Variants in KDSR observed in about 807,000 individuals in gnomAD.
KDSR encodes 3-dehydrosphinganine reductase.
Under a neutral mutation model 41.3 loss-of-function variants are expected in KDSR, and 23 were observed. That is an observed-to-expected ratio of 0.56 (90% CI 0.40 to 0.79). The LOEUF (loss-of-function observed/expected upper bound fraction) is 0.79, where lower values mean the gene tolerates loss of function less well. Among genes scored for constraint, KDSR ranks in the 30% least tolerant of loss-of-function variants. The pLI, the probability that KDSR is intolerant of heterozygous loss-of-function variation, is 0.00. For synonymous variants in KDSR, 138 were observed against 151.7 expected (o/e 0.91, Z 0.66); for missense variants, 351 against 416.8 (o/e 0.84, Z 1.37).
At chr18:63,360,228 C>T (rs1174892928) in intron 2 of KDSR, among the ~76,000 whole-genome samples, 1 of 152,182 alleles carries the variant, frequency 6.6e-6, no homozygotes, top group African/African-American at 2.4e-5. Flanking sequence ...TCTTCTTCTA[C>T]TATAAACCCA....
intron 5 of KDSR, 136 bp downstream of exon 5, chr18:63,355,068 A>G: frequency 1.6e-6 from 1 of 610,184 alleles, no homozygotes; most frequent in Non-Finnish European, 2.9e-6. Flanking sequence ...CACCTTGTTC[A>G]GCCTTCCTCT....
rs761321465 is a variant in KDSR at position 63,355,225 on chromosome 18, A to T, written c.396T>A (p.Asp132Glu). The change falls in exon 5 of 10, where the codon GAT becomes GAA. Residue 132 changes from aspartate to glutamate, a missense_variant. Coordinates refer to ENST00000645214, the MANE Select transcript of KDSR (RefSeq NM_002035.4). Reference protein sequence around the residue: ...AGMAVSGKFEDLEVSTFERLM... With the variant: ...AGMAVSGKFEELEVSTFERLM... ...TTACTTCAAAGGTACTAACTTCAAG[A>T]TCTTCAAATTTTCCTGACACTGCCA... 42 of 1,613,560 alleles carry T rather than the reference A, an allele frequency of 2.6e-5. No individual in the cohort carries two copies. The highest frequency in any genetic ancestry group is 3.3e-5 in the Non-Finnish European group (39 of 1,179,584).
intron 9 of KDSR, among the ~76,000 whole-genome samples, chr18:63,333,815 G>A (rs890276525): frequency 2.0e-5 from 3 of 152,134 alleles, no homozygotes; most frequent in Admixed American, 1.3e-4. Context: ...TCAAGCAGGG[G>A]GCCTGCTGCG....
intron 1 of KDSR, among the ~76,000 whole-genome samples, chr18:63,365,788 G>A (rs1047609018): frequency 6.6e-6 from 1 of 152,176 alleles, no homozygotes; most frequent in Non-Finnish European, 1.5e-5. Context: ...AGAATTTAGA[G>A]TGTCAAGTTT....
intron 5 of KDSR, among the ~76,000 whole-genome samples, chr18:63,354,946 T>A (rs1354036256): frequency 6.6e-6 from 1 of 152,238 alleles, no homozygotes; most frequent in African/African-American, 2.4e-5. Flanking sequence ...TACAGTAATC[T>A]GTGTCAGATT....
intron 7 of KDSR, among the ~76,000 whole-genome samples, chr18:63,342,921 A>G (rs894293405): frequency 6.6e-6 from 1 of 152,096 alleles, no homozygotes; most frequent in Non-Finnish European, 1.5e-5. Flanking sequence ...CCCTCTTGCT[A>G]TTCTCGTGAT....
intron 8 of KDSR, among the ~76,000 whole-genome samples, chr18:63,337,003 C>T (rs1277334209): frequency 6.6e-6 from 1 of 151,394 alleles, no homozygotes; most frequent in African/African-American, 2.4e-5. Flanking sequence ...TGCCACCGTC[C>T]TCACTGAACT....
At chr18:63,360,889 T>A (rs1293381215) in intron 2 of KDSR, among the ~76,000 whole-genome samples, 1 of 146,648 alleles carries the variant, frequency 6.8e-6, no homozygotes, top group Non-Finnish European at 1.5e-5. Flanking sequence ...GCGCAGTGGC[T>A]CACGCCTGTA....
chr18:63,367,160 C>A lies in KDSR; in HGVS notation c.-42G>T. ...GGGCCCGGAGCGGCCGGGCGGGGGC[C>A]GCCGGGCAAGGCGCGCAGGGCTGGG... On this transcript the variant is annotated 5_prime_UTR_variant, in exon 1 of 10. Transcript: ENST00000645214. The A allele has an allele frequency of 8.9e-7, 1 of 1,125,834 alleles. No individual in the cohort carries two copies. The highest frequency in any genetic ancestry group is 3.2e-5 in the East Asian group (1 of 31,536). 69.7% of individuals were successfully genotyped at this position (1,125,834 alleles called of 1,614,324 possible).
intron 3 of KDSR, among the ~76,000 whole-genome samples, chr18:63,358,049 G>A (rs796598926): frequency 2.0e-5 from 3 of 152,210 alleles, no homozygotes; most frequent in African/African-American, 4.8e-5. Flanking sequence ...AGTGACGCGC[G>A]CCTGTAATCC....
At chr18:63,366,008 CAG>C (rs1599343408) in intron 1 of KDSR, 1 of 152,340 alleles carries the variant, frequency 6.6e-6, no homozygotes, top group Middle Eastern at 3.4e-3. Flanking sequence ...ATCTCCGGTG[CAG>C]AGATAGGACA....
At chr18:63,358,671 C>T (rs891352944) in intron 3 of KDSR, among the ~76,000 whole-genome samples, 6 of 151,330 alleles carry the variant, frequency 4.0e-5, no homozygotes, top group Admixed American at 2.0e-4. Flanking sequence ...AAAAATTAGC[C>T]GGGTGTGGTG....
chr18:63,342,470 C>T (rs568529382), intron 7 of KDSR, among the ~76,000 whole-genome samples: 263 of 152,268 alleles, frequency 1.7e-3, no homozygotes, highest in Non-Finnish European at 2.8e-3. Flanking sequence ...AAGAATGAAT[C>T]TAATAGAATG....
At chr18:63,355,099 T>C (rs1160196534) in intron 5 of KDSR, 105 bp downstream of exon 5, 11 of 743,250 alleles carry the variant, frequency 1.5e-5, no homozygotes, top group South Asian at 7.0e-5. Context: ...AAAGCTTCCA[T>C]GGACATCTGA....
chr18:63,352,739 G>T (rs1345663657), intron 5 of KDSR, among the ~76,000 whole-genome samples: 2 of 152,124 alleles, frequency 1.3e-5, no homozygotes, highest in Admixed American at 6.6e-5. Context: ...TACTTCAAAG[G>T]TTAAGTAAAA....
At position 63,367,165 on chromosome 18, in the gene KDSR, G is replaced by A; in HGVS notation, c.-47C>T. The A allele has an allele frequency of 9.6e-7, 1 of 1,041,482 alleles. No homozygotes were observed. The highest frequency in any genetic ancestry group is 1.2e-6 in the Non-Finnish European group (1 of 804,290). 64.5% of individuals were successfully genotyped at this position (1,041,482 alleles called of 1,614,324 possible). On this transcript the variant is annotated 5_prime_UTR_variant, in exon 1 of 10. Coordinates refer to ENST00000645214, the MANE Select transcript of KDSR (RefSeq NM_002035.4). ...CGGAGCGGCCGGGCGGGGGCCGCCG[G>A]GCAAGGCGCGCAGGGCTGGGCTGCG...
chr18:63,364,368 A>ATAT (rs1915075188), intron 1 of KDSR, among the ~76,000 whole-genome samples: 3 of 152,132 alleles, frequency 2.0e-5, no homozygotes, highest in African/African-American at 7.2e-5. Flanking sequence ...GTTCTCCACT[A>ATAT]TATTCCTAGC....
In KDSR at chr18:63,347,730, T is replaced by G. The variant is rs529145207; in HGVS notation, c.609+3158A>C. ...AAGCAGAAAAGGGAGCATCAGTTTG[T>G]TTTTTTTGGGCTTGGTCTCTGCTAC... On this transcript the variant is annotated intron_variant, in intron 6 of 9. Transcript: ENST00000645214. Among the ~76,000 whole-genome samples, 4 of 151,740 alleles carry G rather than the reference T, an allele frequency of 2.6e-5. No homozygotes were observed. The South Asian group carries it at 8.3e-4, about 32-fold the overall frequency.
chr18:63,360,658 G>C (rs1914932292), intron 2 of KDSR, among the ~76,000 whole-genome samples: 1 of 152,096 alleles, frequency 6.6e-6, no homozygotes, highest in Non-Finnish European at 1.5e-5. Context: ...CAAGGTGAGT[G>C]GATCACCCAA....
Sources: gnomAD v4.1 joint callset for allele counts (sites outside exome capture counted in the v4.1 genomes callset) on GRCh38, gnomAD v4.1.1 for gene constraint, MANE v1.5 for transcripts, NCBI Gene and HGNC (gene_info 2026-07-23, HGNC 2026-07-21) for gene names.